The following SUN1 variants were observed in gnomAD, a reference collection of about 807,000 sequenced individuals.
The protein encoded by SUN1 is Sad1 and UNC84 domain containing 1.
Under a neutral mutation model 103.2 loss-of-function variants are expected in SUN1, and 61 were observed. The ratio of observed to expected loss-of-function variants is 0.59; its 90% CI spans 0.48 to 0.73. The LOEUF is 0.73. Among genes scored for constraint, SUN1 ranks in the 30% least tolerant of loss-of-function variants. SUN1 has a pLI of 0.00. For synonymous variants in SUN1, 490 were observed against 425.7 expected (o/e 1.15, Z -1.86); for missense variants, 1,052 against 1,034.6 (o/e 1.02, Z -0.23).
chr7:825,216 G>A (rs1045604398), intron 1 of SUN1, among the ~76,000 whole-genome samples: 13 of 152,032 alleles, frequency 8.6e-5, no homozygotes, highest in African/African-American at 2.7e-4. Flanking sequence ...CCGCCACTGC[G>A]CCCGGCTAAT....
intron 5 of SUN1, chr7:850,158 A>T: frequency 1.1e-6 from 1 of 901,942 alleles, no homozygotes; most frequent in Non-Finnish European, 1.7e-6. Context: ...GAATAGTATT[A>T]ACTTTGGTTT....
At chr7:823,813 G>T (rs903768622) in intron 1 of SUN1, among the ~76,000 whole-genome samples, 1 of 152,134 alleles carries the variant, frequency 6.6e-6, no homozygotes, top group Non-Finnish European at 1.5e-5. Context: ...TGGGGCACGC[G>T]CCCTGGGGAG....
At chr7:838,119 C>CAT (rs1421885338) in intron 1 of SUN1, among the ~76,000 whole-genome samples, 1 of 152,246 alleles carries the variant, frequency 6.6e-6, no homozygotes, top group African/African-American at 2.4e-5. Context: ...GTGGCACAGT[C>CAT]ATAGCTCACT....
At chr7:826,309 T>G (rs1182495300) in intron 1 of SUN1, among the ~76,000 whole-genome samples, 2 of 152,226 alleles carry the variant, frequency 1.3e-5, no homozygotes, top group African/African-American at 4.8e-5. Context: ...AACCCTGGTC[T>G]GGGGTGCTTA....
intron 17 of SUN1, among the ~76,000 whole-genome samples, chr7:870,842 C>T (rs1341049395): frequency 2.0e-5 from 3 of 151,730 alleles, no homozygotes; most frequent in Non-Finnish European, 4.4e-5. Flanking sequence ...GTTGTACGGC[C>T]GAGTCGGTGC....
At position 857,789 on chromosome 7, in the gene SUN1, G is replaced by C. The variant is rs757646931; in HGVS notation, c.1395-39G>C. ...GTAGTGTGGGAAGCGTATAGGCTGG[G>C]AGGCTTGTGTGTGACCCATTCTCAC... is the stretch of plus-strand genomic sequence containing the variant. On this transcript the variant is annotated intron_variant, in intron 12 of 18. Coordinates refer to ENST00000401592, the MANE Select transcript of SUN1 (RefSeq NM_001130965.3). The C allele has an allele frequency of 2.0e-6, 3 of 1,530,534 alleles. No individual in the cohort carries two copies. The South Asian group carries it at 3.7e-5, about 19-fold the overall frequency. The allele number at this position is 1,530,534 out of a possible 1,614,324, so 94.8% of individuals were successfully genotyped here.
intron 13 of SUN1, 82 bp downstream of exon 13, chr7:858,039 G>T: frequency 2.1e-6 from 3 of 1,412,964 alleles, no homozygotes; most frequent in Non-Finnish European, 1.9e-6. Flanking sequence ...TTTATTAGCT[G>T]TTTAATTTTT....
At chr7:865,815 T>C in intron 15 of SUN1, 137 bp from the exon 16 acceptor site, 2 of 673,166 alleles carry the variant, frequency 3.0e-6, no homozygotes, top group Non-Finnish European at 5.2e-6. Flanking sequence ...TTGTAGTTTT[T>C]ACTTGCATTT....
chr7:868,880 C>T (rs1839320100), intron 16 of SUN1: 1 of 111,962 alleles, frequency 8.9e-6, no homozygotes, highest in African/African-American at 5.3e-5. Flanking sequence ...GATGGGGGGG[C>T]AGTGCTGGTT....
chr7:843,552 G>A lies in SUN1; in HGVS notation c.658+32G>A, dbSNP rs761985920. ...CTCAGTCCTTTAAAACTCAGAAAAAGGTGTGTTTTCCAAATTTAATATTTC... is the reference window on the plus strand; with the variant it reads ...CTCAGTCCTTTAAAACTCAGAAAAAAGTGTGTTTTCCAAATTTAATATTTC... On this transcript the variant is annotated intron_variant, in intron 5 of 18. Transcript: ENST00000401592. The A allele has an allele frequency of 8.9e-5, 144 of 1,613,654 alleles. 2 individuals carry two copies. The East Asian group carries it at 3.2e-3, about 36-fold the overall frequency.
At chr7:849,785 C>T in intron 5 of SUN1, 1 of 1,126,438 alleles carries the variant, frequency 8.9e-7, no homozygotes, top group Non-Finnish European at 1.3e-6. Flanking sequence ...CACCAGATCG[C>T]ATTTGCTTTG....
At chr7:828,272 TG>T (rs1239494597), upstream of SUN1, among the ~76,000 whole-genome samples, 6 of 149,038 alleles carry the variant, frequency 4.0e-5, no homozygotes, top group South Asian at 4.2e-4. Context: ...TTTTTGTTTT[TG>T]TTTTGTTTTG....
chr7:842,254 C>A, intron 3 of SUN1, 124 bp downstream of exon 3: 1 of 1,069,858 alleles, frequency 9.3e-7, no homozygotes, highest in Non-Finnish European at 1.3e-6. Flanking sequence ...GAGAGGGAGG[C>A]TGTGGCCACA....
chr7:860,034 T>C, intron 13 of SUN1, 94 bp from the exon 14 acceptor site: 2 of 1,458,702 alleles, frequency 1.4e-6, no homozygotes, highest in South Asian at 2.7e-5. Flanking sequence ...TGAGAGGATA[T>C]ATAATTCTTC....
intron 5 of SUN1, among the ~76,000 whole-genome samples, chr7:846,949 G>C (rs1816431510): frequency 6.6e-6 from 1 of 152,194 alleles, no homozygotes; most frequent in South Asian, 2.1e-4. Flanking sequence ...AGAGTTGAAG[G>C]CTGCAGTGAG....
chr7:846,100 A>G (rs1023708009), intron 5 of SUN1, among the ~76,000 whole-genome samples: 2 of 151,790 alleles, frequency 1.3e-5, no homozygotes, highest in Non-Finnish European at 2.9e-5. Flanking sequence ...ATGCCTGTAC[A>G]GTTTTTTGTT....
At chr7:843,800 A>G in intron 5 of SUN1, 2 of 1,419,700 alleles carry the variant, frequency 1.4e-6, no homozygotes, top group Non-Finnish European at 9.1e-7. Context: ...TAATAAAACT[A>G]CAGTCACTTT....
intron 17 of SUN1, among the ~76,000 whole-genome samples, chr7:870,453 A>T (rs1258302703): frequency 6.6e-6 from 1 of 151,712 alleles, no homozygotes; most frequent in South Asian, 2.1e-4. Context: ...AGCCAGGCTT[A>T]TGCGTGCCTG....
chr7:847,076 G>C (rs941386870), intron 5 of SUN1, among the ~76,000 whole-genome samples: 2 of 152,244 alleles, frequency 1.3e-5, no homozygotes, highest in African/African-American at 4.8e-5. Flanking sequence ...CCATTCTTAA[G>C]CTGGTGGGTC....
Sources: allele counts gnomAD v4.1 joint callset (sites outside exome capture counted in the v4.1 genomes callset), GRCh38; gene constraint gnomAD v4.1.1; transcripts MANE v1.5; gene names NCBI Gene and HGNC (gene_info 2026-07-23, HGNC 2026-07-21).